PPM1H: variants seen among roughly 807,000 people sequenced by gnomAD.
PPM1H encodes protein phosphatase, Mg2+/Mn2+ dependent 1H, also known as protein phosphatase 1H.
PPM1H carries 27 observed loss-of-function variants against 54.9 expected under a neutral mutation model. The ratio of observed to expected loss-of-function variants is 0.49; its 90% CI spans 0.36 to 0.68. The LOEUF is 0.68. Among genes scored for constraint, PPM1H ranks in the 30% least tolerant of loss-of-function variants. The pLI is 0.00. For synonymous variants in PPM1H, 305 were observed against 270.8 expected (o/e 1.13, Z -1.24); for missense variants, 596 against 667.8 (o/e 0.89, Z 1.19).
At chr12:62,810,552 G>C (rs1219163905) in intron 2 of PPM1H, among the ~76,000 whole-genome samples, 1 of 152,144 alleles carries the variant, frequency 6.6e-6, no homozygotes, top group African/African-American at 2.4e-5. Context: ...CCTCAGTTTG[G>C]TATTAACTCT....
At chr12:62,860,732 A>G (rs2120969011) in intron 1 of PPM1H, among the ~76,000 whole-genome samples, 1 of 152,324 alleles carries the variant, frequency 6.6e-6, no homozygotes, top group South Asian at 2.1e-4. Flanking sequence ...GATTAAATTT[A>G]CAACATCACT....
chr12:62,679,145 C>T (rs1003994571), intron 8 of PPM1H, among the ~76,000 whole-genome samples: 8 of 151,998 alleles, frequency 5.3e-5, no homozygotes, highest in Non-Finnish European at 1.0e-4. Context: ...TGCCACCGTG[C>T]CCAGCTAATG....
At chr12:62,890,509 C>A (rs534584131) in intron 1 of PPM1H, among the ~76,000 whole-genome samples, 121 of 152,092 alleles carry the variant, frequency 8.0e-4, no homozygotes, top group African/African-American at 2.5e-3. Context: ...AAAATAAAGT[C>A]TATTTGAAAA....
In PPM1H at chr12:62,768,339, C is replaced by T. The variant is rs745802796; in HGVS notation, c.869+19887G>A. 6.9e-4 allele frequency among the ~76,000 whole-genome samples: 105 copies of T among 152,230 alleles called. 1 individual carries two copies. The Middle Eastern group carries it at 0.024, about 35-fold the overall frequency. ...GAGGGGGAAATGCAGCCAGGGAATGCATGCTCTGAGGGACAATCCGGGATG... is the reference window on the plus strand; with the variant it reads ...GAGGGGGAAATGCAGCCAGGGAATGTATGCTCTGAGGGACAATCCGGGATG... On this transcript the variant is annotated intron_variant, in intron 4 of 9. Coordinates refer to ENST00000228705, the MANE Select transcript of PPM1H (RefSeq NM_020700.2).
chr12:62,885,731 T>C (rs1479050029), intron 1 of PPM1H, among the ~76,000 whole-genome samples: 1 of 152,240 alleles, frequency 6.6e-6, no homozygotes. Flanking sequence ...AGGAAAATAC[T>C]GAATGATTTT....
intron 5 of PPM1H, among the ~76,000 whole-genome samples, chr12:62,721,588 C>T (rs758049213): frequency 1.3e-5 from 2 of 152,004 alleles, no homozygotes; most frequent in African/African-American, 4.8e-5. Flanking sequence ...AGCTTAAATA[C>T]GAGGTTTTAC....
At chr12:62,750,421 A>C (rs2076436314) in intron 4 of PPM1H, among the ~76,000 whole-genome samples, 1 of 152,254 alleles carries the variant, frequency 6.6e-6, no homozygotes. Context: ...GATGTTTTCA[A>C]GGTTCATCCA....
At chr12:62,699,834 C>A (rs1036774748) in intron 6 of PPM1H, among the ~76,000 whole-genome samples, 1 of 152,186 alleles carries the variant, frequency 6.6e-6, no homozygotes, top group Admixed American at 6.5e-5. Flanking sequence ...ACAGTATTCA[C>A]CCAATCTAGG....
intron 2 of PPM1H, among the ~76,000 whole-genome samples, chr12:62,814,998 G>T (rs2076857159): frequency 6.6e-6 from 1 of 152,192 alleles, no homozygotes; most frequent in South Asian, 2.1e-4. Context: ...CATCCACAGG[G>T]CTTTCAATGT....
chr12:62,934,669 G>A lies in PPM1H; in HGVS notation c.68C>T (p.Ser23Phe). 3.7e-6 allele frequency: 6 copies of A among 1,604,842 alleles called. No homozygotes were observed. Among genetic ancestry groups the A allele is most frequent in the Non-Finnish European group, 4.2e-6 (5 of 1,176,766 alleles). Residue 23 changes from serine to phenylalanine, a missense_variant, in exon 1 of 10, where the codon TCC becomes TTC. This residue lies in a region of PPM1H where 382 missense variants were observed against 387.1 expected (regional missense o/e 0.99). Coordinates refer to ENST00000228705, the MANE Select transcript of PPM1H (RefSeq NM_020700.2). The surrounding 1 kb of genome is among the most constrained non-coding windows in gnomAD (Gnocchi z 4.2). ...MGGIMAGSSG[S>F]EHGGGSCGGS... ...TCCGCAGCTGCCGCCGCCGTGCTCG[G>A]AGCCTGAGCTGCCAGCCATGATGCC...
chr12:62,854,140 A>G (rs1486104154), intron 1 of PPM1H, among the ~76,000 whole-genome samples: 3 of 152,206 alleles, frequency 2.0e-5, no homozygotes, highest in African/African-American at 7.2e-5. Context: ...TGATTTCTGT[A>G]TTGTTGAAAA....
intron 3 of PPM1H, among the ~76,000 whole-genome samples, chr12:62,792,040 G>T (rs1040533235): frequency 1.2e-4 from 18 of 152,218 alleles, no homozygotes; most frequent in African/African-American, 4.3e-4. Context: ...AGGTAGAAAC[G>T]TTATGGTGCA....
At chr12:62,693,900 C>T (rs370748978) in intron 7 of PPM1H, 36 bp downstream of exon 7, 200 of 1,589,884 alleles carry the variant, frequency 1.3e-4, no homozygotes, top group Non-Finnish European at 1.7e-4. Context: ...GGACAGAGCC[C>T]TGTCCTCTCT....
intron 1 of PPM1H, among the ~76,000 whole-genome samples, chr12:62,905,545 C>G (rs1280829741): frequency 1.3e-5 from 2 of 152,122 alleles, no homozygotes; most frequent in South Asian, 2.1e-4. Flanking sequence ...AGAGAGTATC[C>G]ATTCCACTTT....
At chr12:62,749,604 G>T (rs1271372394) in intron 4 of PPM1H, among the ~76,000 whole-genome samples, 1 of 152,150 alleles carries the variant, frequency 6.6e-6, no homozygotes. Context: ...TCAAAAAATA[G>T]CTGAAAGGAA....
intron 4 of PPM1H, among the ~76,000 whole-genome samples, chr12:62,739,771 A>T (rs2076371794): frequency 6.6e-6 from 1 of 152,236 alleles, no homozygotes. Context: ...AAGAACTTAG[A>T]AGAAACTGTT....
chr12:62,734,152 G>A (rs200448220), intron 5 of PPM1H, among the ~76,000 whole-genome samples: 6 of 145,336 alleles, frequency 4.1e-5, no homozygotes, highest in Non-Finnish European at 1.5e-5. Context: ...TTTTTTTAAA[G>A]AAAATAAAAA....
At chr12:62,902,007 T>C (rs892717526) in intron 1 of PPM1H, among the ~76,000 whole-genome samples, 1 of 152,188 alleles carries the variant, frequency 6.6e-6, no homozygotes, top group African/African-American at 2.4e-5. Context: ...TTGCCTACTT[T>C]AAAGGGTTCC....
intron 1 of PPM1H, among the ~76,000 whole-genome samples, chr12:62,855,913 T>A (rs1459395846): frequency 1.3e-5 from 2 of 152,232 alleles, no homozygotes; most frequent in Non-Finnish European, 2.9e-5. Context: ...AGGTTTTCCC[T>A]TTAAGATGTG....
Sources: allele counts gnomAD v4.1 joint callset (sites outside exome capture counted in the v4.1 genomes callset), GRCh38; gene constraint gnomAD v4.1.1; regional missense constraint gnomAD v4.1.1; non-coding constraint Gnocchi (gnomAD v3.1); transcripts MANE v1.5; gene names NCBI Gene and HGNC (gene_info 2026-07-23, HGNC 2026-07-21).